SDK1: variants seen among roughly 807,000 people sequenced by gnomAD.
SDK1 encodes protein sidekick-1.
In SDK1, 157 loss-of-function variants were observed where a neutral mutation model predicts 245.5. That is an observed-to-expected ratio of 0.64 (90% CI 0.56 to 0.73). The LOEUF is 0.73. SDK1 is among the 30% of genes least tolerant of loss of function. The probability of loss-of-function intolerance (pLI) is 0.00; values close to 1 mark genes in which losing one functional copy is unlikely to be tolerated. For missense variants in SDK1, 3,583 were observed against 3,002.3 expected (o/e 1.19, Z -4.52); for synonymous variants, 1,647 against 1,278.5 (o/e 1.29, Z -6.15).
chr7:3,608,960 A>G (rs1334135724), intron 1 of SDK1, among the ~76,000 whole-genome samples: 1 of 152,372 alleles, frequency 6.6e-6, no homozygotes, highest in South Asian at 2.1e-4. Context: ...ACATATTACA[A>G]GAGACTAAAT....
chr7:3,910,082 T>C (rs536271068), intron 5 of SDK1, among the ~76,000 whole-genome samples: 10 of 152,308 alleles, frequency 6.6e-5, no homozygotes, highest in Non-Finnish European at 1.0e-4. Context: ...TGTGTTTCTT[T>C]GCAGGGGGAA....
chr7:4,037,433 G>A (rs375849080), intron 17 of SDK1, among the ~76,000 whole-genome samples: 8 of 152,146 alleles, frequency 5.3e-5, no homozygotes, highest in African/African-American at 1.2e-4. Context: ...AGCTTGGGCC[G>A]CATAGTGAGA....
chr7:3,613,997 G>T (rs1781685393), intron 1 of SDK1, among the ~76,000 whole-genome samples: 1 of 152,186 alleles, frequency 6.6e-6, no homozygotes, highest in Admixed American at 6.5e-5. Flanking sequence ...AGAGCGGGGA[G>T]AGGATCAGGA....
chr7:3,551,208 T>A (rs1181185742), intron 1 of SDK1, among the ~76,000 whole-genome samples: 2 of 152,200 alleles, frequency 1.3e-5, no homozygotes, highest in Non-Finnish European at 2.9e-5. Context: ...ACATCACACA[T>A]CTGTGTTTGT....
chr7:3,841,538 G>T (rs1273752517), intron 5 of SDK1, among the ~76,000 whole-genome samples: 1 of 151,948 alleles, frequency 6.6e-6, no homozygotes, highest in Non-Finnish European at 1.5e-5. Flanking sequence ...GCCCACCTTA[G>T]GTCAAGTATT....
chr7:4,194,393 TAC>T (rs1380867019), intron 35 of SDK1, among the ~76,000 whole-genome samples: 1,681 of 103,370 alleles, frequency 0.016, 108 homozygotes, highest in African/African-American at 0.056. Context: ...TATACATGTA[TAC>T]ATATATGTAT....
chr7:3,377,594 G>C (rs1443849537), intron 1 of SDK1, among the ~76,000 whole-genome samples: 4 of 152,024 alleles, frequency 2.6e-5, no homozygotes, highest in Non-Finnish European at 4.4e-5. Flanking sequence ...CTCTGTGTCT[G>C]TTGTAACAGT....
In SDK1 at chr7:4,142,488, C is replaced by T. The variant is rs181984961; in HGVS notation, c.4229-3234C>T. On this transcript the variant is annotated intron_variant, in intron 28 of 44. Transcript: ENST00000404826. ...GGATTACAAGCGCCCGCCATCACGCCCGGCTAATTTTTGTATTTTTAGTAG... is the reference window on the plus strand; with the variant it reads ...GGATTACAAGCGCCCGCCATCACGCTCGGCTAATTTTTGTATTTTTAGTAG... Among the ~76,000 whole-genome samples the T allele has an allele frequency of 1.8e-3, 274 of 152,136 alleles. 1 individual carries two copies. Among genetic ancestry groups the T allele is most frequent in the Non-Finnish European group, 3.1e-3 (212 of 68,016 alleles).
chr7:3,436,392 A>C (rs1405720730), intron 1 of SDK1, among the ~76,000 whole-genome samples: 1 of 152,190 alleles, frequency 6.6e-6, no homozygotes, highest in African/African-American at 2.4e-5. Context: ...AACCTAATTC[A>C]ATACATTTTA....
At chr7:3,904,024 C>T (rs1200801614) in intron 5 of SDK1, among the ~76,000 whole-genome samples, 3 of 152,144 alleles carry the variant, frequency 2.0e-5, no homozygotes, top group African/African-American at 7.2e-5. Flanking sequence ...GACGTCCAAT[C>T]TTGAACTTCC....
intron 30 of SDK1, among the ~76,000 whole-genome samples, chr7:4,156,703 A>C (rs1780759379): frequency 6.6e-6 from 1 of 152,214 alleles, no homozygotes; most frequent in South Asian, 2.1e-4. Flanking sequence ...CCTTTAAACC[A>C]AGTATGACCC....
intron 5 of SDK1, among the ~76,000 whole-genome samples, chr7:3,938,261 C>T (rs1007712810): frequency 6.6e-6 from 1 of 152,192 alleles, no homozygotes; most frequent in Non-Finnish European, 1.5e-5. Context: ...ACCCCTTGGT[C>T]CACTGAAAAG....
rs9655324 is a variant in SDK1 at position 3,785,674 on chromosome 7, T to G, written c.714-35776T>G. ...GGGGAAGAAATTTGAACATATCTGG[T>G]AAATTACTTAGTAAATTTAGGCATT... On this transcript the variant is annotated intron_variant, in intron 4 of 44. Transcript: ENST00000404826. 5.6e-3 allele frequency among the ~76,000 whole-genome samples: 845 copies of G among 152,202 alleles called. 8 individuals are homozygous for G. Among genetic ancestry groups the G allele is most frequent in the African/African-American group, 0.02 (813 of 41,496 alleles).
intron 1 of SDK1, among the ~76,000 whole-genome samples, chr7:3,495,954 G>A (rs778168501): frequency 2.0e-5 from 3 of 152,152 alleles, no homozygotes; most frequent in Non-Finnish European, 2.9e-5. Context: ...GAAGAATTTT[G>A]CATACAACTA....
chr7:3,346,713 G>A (rs866210570), intron 1 of SDK1, among the ~76,000 whole-genome samples: 6 of 124,106 alleles, frequency 4.8e-5, no homozygotes, highest in African/African-American at 6.5e-5. Flanking sequence ...GTGTGTGTGT[G>A]TATATATGTA....
At chr7:3,394,938 G>A (rs958587187) in intron 1 of SDK1, among the ~76,000 whole-genome samples, 5 of 151,946 alleles carry the variant, frequency 3.3e-5, no homozygotes, top group African/African-American at 1.2e-4. Flanking sequence ...ACAGGATCAT[G>A]TCATCTTCAA....
In SDK1 at chr7:4,265,217, A is replaced by G. The variant is rs1182892356; in HGVS notation, c.6475A>G (p.Arg2159Gly). The G allele has an allele frequency of 6.2e-7, 1 of 1,609,912 alleles. No homozygotes were observed. The highest frequency in any genetic ancestry group is 2.2e-5 in the East Asian group (1 of 44,836). The change falls in exon 45 of 45, where the codon AGG (arginine) becomes GGG (glycine). Residue 2159 changes from arginine to glycine, a missense_variant. Physicochemically the swap from Arg to Gly is moderately radical, Grantham distance 125. Coordinates refer to ENST00000404826, the MANE Select transcript of SDK1 (RefSeq NM_152744.4). ...CACCTACTACAACTCATGGAAGCGC[A>G]GGGCCCAGGGCCGCGCACCTGCGCC... ...DPTYYNSWKR[R>G]AQGRAPAPHR...
intron 5 of SDK1, among the ~76,000 whole-genome samples, chr7:3,848,750 C>T (rs1780344396): frequency 1.3e-5 from 2 of 151,972 alleles, no homozygotes; most frequent in Non-Finnish European, 2.9e-5. Flanking sequence ...CGGCTCACTG[C>T]AACCTCCGCC....
chr7:3,338,815 C>T (rs1004994631), intron 1 of SDK1, among the ~76,000 whole-genome samples: 1 of 152,106 alleles, frequency 6.6e-6, no homozygotes, highest in African/African-American at 2.4e-5. Flanking sequence ...GTCCTTAGAG[C>T]AGCCATTATG....
Sources: allele counts gnomAD v4.1 joint callset (sites outside exome capture counted in the v4.1 genomes callset), GRCh38; gene constraint gnomAD v4.1.1; transcripts MANE v1.5; gene names NCBI Gene and HGNC (gene_info 2026-07-23, HGNC 2026-07-21).